ARHGEF26: variants seen among roughly 807,000 people sequenced by gnomAD.
The protein encoded by ARHGEF26 is Rho guanine nucleotide exchange factor 26.
In ARHGEF26, 59 loss-of-function variants were observed where a neutral mutation model predicts 89.4. The ratio of observed to expected loss-of-function variants is 0.66; its 90% confidence interval spans 0.54 to 0.82. The LOEUF (loss-of-function observed/expected upper bound fraction) is 0.82. ARHGEF26 is among the 40% of genes least tolerant of loss of function. ARHGEF26 has a pLI of 0.00. For missense variants in ARHGEF26, 1,234 were observed against 1,085.6 expected (o/e 1.14, Z -1.92); for synonymous variants, 500 against 428.4 (o/e 1.17, Z -2.06).
intron 6 of ARHGEF26, among the ~76,000 whole-genome samples, chr3:154,180,720 C>T (rs1286214187): frequency 2.2e-5 from 1 of 45,852 alleles, no homozygotes; most frequent in African/African-American, 1.0e-4. Flanking sequence ...TTCTTATCCT[C>T]TTATTATCAA....
intron 7 of ARHGEF26, among the ~76,000 whole-genome samples, chr3:154,189,222 A>G (rs1023802432): frequency 8.5e-5 from 13 of 152,158 alleles, no homozygotes; most frequent in Non-Finnish European, 1.5e-4. Context: ...AGGTACTGCT[A>G]TACATCATGT....
chr3:154,139,932 A>G (rs1267830912), intron 4 of ARHGEF26, among the ~76,000 whole-genome samples: 1 of 152,254 alleles, frequency 6.6e-6, no homozygotes, highest in African/African-American at 2.4e-5. Flanking sequence ...GTAAAATAAA[A>G]TTGCAGATTA....
At chr3:154,244,275 GGTGC>G (rs1559924270) in intron 12 of ARHGEF26, among the ~76,000 whole-genome samples, 1 of 152,158 alleles carries the variant, frequency 6.6e-6, no homozygotes, top group African/African-American at 2.4e-5. Flanking sequence ...CAGTAGGAGG[GGTGC>G]AGCTGTTTGG....
At chr3:154,195,643 A>G (rs1714244070) in intron 9 of ARHGEF26, among the ~76,000 whole-genome samples, 2 of 152,212 alleles carry the variant, frequency 1.3e-5, no homozygotes. Context: ...CATCTACGAT[A>G]GAAACATAGG....
In ARHGEF26 at chr3:154,256,092, C is replaced by T. The variant is rs1718485703; in HGVS notation, c.*619C>T. The T allele has an allele frequency of 3.0e-6, 3 of 985,150 alleles. No individual in the cohort carries two copies. The highest frequency in any genetic ancestry group is 9.4e-5 in the South Asian group (2 of 21,274). The allele number at this position is 985,150 out of a possible 1,614,324, so 61.0% of individuals were successfully genotyped here. A position where few individuals can be genotyped will look rare whatever the true frequency, so the allele number is the denominator to read the frequency against. On this transcript the variant is annotated 3_prime_UTR_variant, in exon 15 of 15. Transcript: ENST00000465093. ...CCTCATTAGAAGGAAAGTAGAAAGC[C>T]TTACTTTAGGATTTTTAAAAAAAAA...
intron 6 of ARHGEF26, among the ~76,000 whole-genome samples, chr3:154,181,265 A>G (rs761846477): frequency 1.5e-4 from 23 of 152,294 alleles, no homozygotes; most frequent in Non-Finnish European, 2.4e-4. Flanking sequence ...CTTATCTGGA[A>G]TATTTCTTTG....
intron 6 of ARHGEF26, among the ~76,000 whole-genome samples, chr3:154,183,905 C>A (rs357467): frequency 0.99 from 150,259 of 152,178 alleles, 74,190 homozygotes; most frequent in Middle Eastern, 1. Context: ...ATTGTAAGAG[C>A]TACTTGCCTC....
rs918390798 is a variant in ARHGEF26, at chr3:154,255,969, T to C, written c.*496T>C. 21 of 986,034 alleles carry C rather than the reference T, an allele frequency of 2.1e-5. No individual in the cohort carries two copies. The highest frequency in any genetic ancestry group is 3.5e-5 in the African/African-American group (2 of 57,228). The allele number at this position is 986,034 out of a possible 1,614,324, so 61.1% of individuals were successfully genotyped here. On this transcript the variant is annotated 3_prime_UTR_variant, in exon 15 of 15. Transcript: ENST00000465093. The stretch of plus-strand genomic sequence containing the variant: ...CATCTGATTTTAATGCTTCGTTAAC[T>C]TCAAAAGGAACTGGTAGAGTTCAGA...
At chr3:154,230,523 C>T (rs1311145901) in intron 11 of ARHGEF26, among the ~76,000 whole-genome samples, 2 of 152,104 alleles carry the variant, frequency 1.3e-5, no homozygotes, top group African/African-American at 4.8e-5. Flanking sequence ...AACATCTTTT[C>T]CAAAGTAAGC....
Position 154,255,796 on chromosome 3 carries a change from A to G in ARHGEF26, c.*323A>G. ...TCTGGCAATAAAAAACACATATTAT[A>G]TCCTGGTTTTCTCTATCCTTGCATT... On this transcript the variant is annotated 3_prime_UTR_variant, in exon 15 of 15. Transcript: ENST00000465093. 9.1e-7 allele frequency: 1 copy of G among 1,097,380 alleles called. No homozygotes were observed. The highest frequency in any genetic ancestry group is 1.1e-6 in the Non-Finnish European group (1 of 903,638). The allele number at this position is 1,097,380 out of a possible 1,614,324, so 68.0% of individuals were successfully genotyped here.
chr3:154,159,647 T>G (rs907976839), intron 6 of ARHGEF26, among the ~76,000 whole-genome samples: 1 of 152,146 alleles, frequency 6.6e-6, no homozygotes, highest in Non-Finnish European at 1.5e-5. Flanking sequence ...TTTTATGAAA[T>G]GAGTTCATAT....
intron 6 of ARHGEF26, among the ~76,000 whole-genome samples, chr3:154,175,361 AT>A (rs1218289273): frequency 1.3e-5 from 2 of 152,022 alleles, no homozygotes; most frequent in Non-Finnish European, 2.9e-5. Context: ...ACCTTTTCAT[AT>A]GTTCATTAAC....
At chr3:154,242,806 A>G in intron 12 of ARHGEF26, among the ~76,000 whole-genome samples, 1 of 151,884 alleles carries the variant, frequency 6.6e-6, no homozygotes, top group Non-Finnish European at 1.5e-5. Flanking sequence ...CCATCACCCT[A>G]GTCAGCAGCC....
chr3:154,136,538 A>G (rs983720609), intron 4 of ARHGEF26, among the ~76,000 whole-genome samples: 1 of 152,164 alleles, frequency 6.6e-6, no homozygotes, highest in African/African-American at 2.4e-5. Context: ...AATGCAGCAG[A>G]CACTTTGGCA....
chr3:154,245,309 G>A (rs1347325899), intron 12 of ARHGEF26, among the ~76,000 whole-genome samples: 4 of 152,208 alleles, frequency 2.6e-5, no homozygotes, highest in Non-Finnish European at 2.9e-5. Context: ...GATTACAGGC[G>A]TGAGCCATTG....
chr3:154,216,182 C>G, intron 9 of ARHGEF26, among the ~76,000 whole-genome samples: 1 of 151,830 alleles, frequency 6.6e-6, no homozygotes, highest in East Asian at 1.9e-4. Context: ...TTAAAATTTC[C>G]AGTCCTTTTA....
intron 9 of ARHGEF26, among the ~76,000 whole-genome samples, chr3:154,198,988 C>T (rs1163670637): frequency 3.9e-5 from 6 of 152,014 alleles, no homozygotes. Flanking sequence ...TTGATATAGG[C>T]ATGCAGTGTG....
chr3:154,248,457 T>C (rs1717926762), intron 12 of ARHGEF26, among the ~76,000 whole-genome samples: 1 of 152,178 alleles, frequency 6.6e-6, no homozygotes, highest in Non-Finnish European at 1.5e-5. Context: ...AATCACAACA[T>C]AAAGACAGTA....
At chr3:154,131,465 G>T (rs1293928421) in intron 4 of ARHGEF26, among the ~76,000 whole-genome samples, 5 of 152,188 alleles carry the variant, frequency 3.3e-5, no homozygotes, top group Non-Finnish European at 5.9e-5. Context: ...CACAGAATTG[G>T]TTTATTAGCA....
Sources: gnomAD v4.1 joint callset for allele counts (sites outside exome capture counted in the v4.1 genomes callset) on GRCh38, gnomAD v4.1.1 for gene constraint, MANE v1.5 for transcripts, NCBI Gene and HGNC (gene_info 2026-07-23, HGNC 2026-07-21) for gene names.